Variants in EPHA5 observed in about 807,000 individuals in gnomAD.
EPHA5 encodes ephrin type-A receptor 5.
EPHA5 carries 60 observed loss-of-function variants against 105.0 expected under a neutral mutation model. The ratio of observed to expected loss-of-function variants is 0.57; its 90% CI spans 0.46 to 0.71. The LOEUF is 0.71. Among genes scored for constraint, EPHA5 ranks in the 30% least tolerant of loss-of-function variants. The pLI is 0.00. For synonymous variants in EPHA5, 513 were observed against 449.1 expected (o/e 1.14, Z -1.80); for missense variants, 1,218 against 1,274.7 (o/e 0.96, Z 0.68).
intron 3 of EPHA5, among the ~76,000 whole-genome samples, chr4:65,586,710 C>T (rs891702111): frequency 1.2e-4 from 19 of 152,052 alleles, no homozygotes; most frequent in South Asian, 1.2e-3. Context: ...AAGCTAACTA[C>T]TAACTCAGGG....
At chr4:65,383,476 C>T (rs35338633) in intron 8 of EPHA5, among the ~76,000 whole-genome samples, 19,206 of 151,620 alleles carry the variant, frequency 0.13, 1,527 homozygotes, top group East Asian at 0.39. Context: ...TTCACTGCTA[C>T]CAGTAAAAAC....
At chr4:65,593,707 G>T (rs928812573) in intron 3 of EPHA5, among the ~76,000 whole-genome samples, 10 of 152,128 alleles carry the variant, frequency 6.6e-5, no homozygotes, top group Admixed American at 2.0e-4. Context: ...GGCTCAATCT[G>T]GTTTTGTAAC....
At chr4:65,637,071 A>G (rs1268334669) in intron 2 of EPHA5, among the ~76,000 whole-genome samples, 1 of 152,148 alleles carries the variant, frequency 6.6e-6, no homozygotes, top group African/African-American at 2.4e-5. Flanking sequence ...ACAGGCACAC[A>G]AATATACACA....
intron 8 of EPHA5, among the ~76,000 whole-genome samples, chr4:65,380,021 A>G (rs1472781359): frequency 2.0e-5 from 3 of 151,794 alleles, no homozygotes; most frequent in Admixed American, 1.3e-4. Context: ...ATATTTTTCC[A>G]TCAACCAATA....
chr4:65,486,987 G>C (rs1695051589), intron 5 of EPHA5, among the ~76,000 whole-genome samples: 1 of 152,164 alleles, frequency 6.6e-6, no homozygotes, highest in Admixed American at 6.5e-5. Flanking sequence ...AAAGTGTGCA[G>C]CACCTTCCCT....
At chr4:65,642,321 T>C (rs918624069) in intron 2 of EPHA5, among the ~76,000 whole-genome samples, 1 of 152,110 alleles carries the variant, frequency 6.6e-6, no homozygotes. Context: ...AAGAGTGTGA[T>C]GGTGCAGGGA....
chr4:65,403,220 A>G (rs1243276580), intron 8 of EPHA5, among the ~76,000 whole-genome samples: 3 of 152,214 alleles, frequency 2.0e-5, no homozygotes, highest in African/African-American at 7.2e-5. Context: ...CTGTAATTTA[A>G]GGATATAATC....
At chr4:65,629,255 C>T (rs1746417787) in intron 2 of EPHA5, among the ~76,000 whole-genome samples, 1 of 152,150 alleles carries the variant, frequency 6.6e-6, no homozygotes, top group South Asian at 2.1e-4. Context: ...ACTTTCAGAA[C>T]CAGGTCAGCA....
intron 5 of EPHA5, among the ~76,000 whole-genome samples, chr4:65,462,043 G>A (rs1728177668): frequency 6.6e-6 from 1 of 152,084 alleles, no homozygotes; most frequent in African/African-American, 2.4e-5. Context: ...TTGATAGGCA[G>A]ATAGATAGAA....
intron 8 of EPHA5, among the ~76,000 whole-genome samples, chr4:65,375,377 A>G (rs1352395860): frequency 6.6e-6 from 1 of 151,892 alleles, no homozygotes; most frequent in Non-Finnish European, 1.5e-5. Flanking sequence ...ACATTATTGG[A>G]AGAAAGATAT....
chr4:65,382,062 T>C (rs1577969566), intron 8 of EPHA5, among the ~76,000 whole-genome samples: 2 of 152,002 alleles, frequency 1.3e-5, no homozygotes, highest in Admixed American at 1.3e-4. Flanking sequence ...TGAATTTCTT[T>C]GAAAAATCCC....
chr4:65,511,172 C>T (rs1733589779), intron 3 of EPHA5, among the ~76,000 whole-genome samples: 1 of 152,140 alleles, frequency 6.6e-6, no homozygotes, highest in Non-Finnish European at 1.5e-5. Context: ...GCCACCCAGC[C>T]TGTGGTTATG....
chr4:65,399,756 C>T (rs9993219), intron 8 of EPHA5, among the ~76,000 whole-genome samples: 10,697 of 152,190 alleles, frequency 0.07, 593 homozygotes, highest in African/African-American at 0.15. Flanking sequence ...AAGTGAAGCT[C>T]TGCATGCTTG....
chr4:65,483,127 T>C (rs1370903667), intron 5 of EPHA5, among the ~76,000 whole-genome samples: 4 of 152,278 alleles, frequency 2.6e-5, no homozygotes, highest in Admixed American at 2.0e-4. Context: ...TTTCTGTCCT[T>C]GCGATAGTTT....
At chr4:65,655,044 GCA>G (rs1748937675) in intron 1 of EPHA5, among the ~76,000 whole-genome samples, 1 of 150,624 alleles carries the variant, frequency 6.6e-6, no homozygotes, top group Non-Finnish European at 1.5e-5. Flanking sequence ...TTTTTCTTTT[GCA>G]CAGTGTTACT....
At position 65,404,367 on chromosome 4, in the gene EPHA5, C is replaced by T. The variant is rs551222491; in HGVS notation, c.1793+7G>A. The T allele has an allele frequency of 1.2e-6, 2 of 1,611,458 alleles. No individual in the cohort carries two copies. Among genetic ancestry groups the T allele is most frequent in the South Asian group, 1.1e-5 (1 of 91,026 alleles). Reference sequence around the variant, plus strand: ...CAGAACTTCAGAATCACAGCTTCCTCTCTTACCTTCCACTGAGGAGGACGC... The same window carrying T: ...CAGAACTTCAGAATCACAGCTTCCTTTCTTACCTTCCACTGAGGAGGACGC... On this transcript the variant is annotated splice_region_variant and intron_variant, in intron 8 of 16. Transcript: ENST00000613740.
At chr4:65,598,681 G>A (rs897114718) in intron 3 of EPHA5, among the ~76,000 whole-genome samples, 2 of 152,152 alleles carry the variant, frequency 1.3e-5, no homozygotes, top group Non-Finnish European at 2.9e-5. Flanking sequence ...ATTGATTGGG[G>A]CATCTTCTCT....
At chr4:65,376,923 GA>G (rs1363706619) in intron 8 of EPHA5, 2 of 1,326,414 alleles carry the variant, frequency 1.5e-6, no homozygotes, top group East Asian at 2.5e-5. Flanking sequence ...CACAAATGGA[GA>G]AAGAAAAGGA....
chr4:65,502,802 C>T (rs183798123), intron 3 of EPHA5, among the ~76,000 whole-genome samples: 6 of 151,510 alleles, frequency 4.0e-5, no homozygotes, highest in African/African-American at 1.4e-4. Flanking sequence ...TTCATATGAT[C>T]AGTGCAGTAC....
Sources: gnomAD v4.1 joint callset for allele counts (sites outside exome capture counted in the v4.1 genomes callset) on GRCh38, gnomAD v4.1.1 for gene constraint, MANE v1.5 for transcripts, NCBI Gene and HGNC (gene_info 2026-07-23, HGNC 2026-07-21) for gene names.